The following HUNK variants were observed in gnomAD, a reference collection of about 807,000 sequenced individuals.
HUNK encodes the protein hormonally up-regulated neu tumor-associated kinase.
HUNK carries 21 observed loss-of-function variants against 61.0 expected under a neutral mutation model. The ratio of observed to expected loss-of-function variants is 0.34; its 90% CI spans 0.24 to 0.50. The LOEUF is 0.50. Ranked by LOEUF, HUNK falls within the 20% of genes least tolerant of loss-of-function variation. The pLI is 0.98. For missense variants in HUNK, 772 were observed against 945.7 expected, an observed-to-expected ratio of 0.82 and a Z score of 2.41; for synonymous variants, 371 against 386.1, an observed-to-expected ratio of 0.96 and a Z score of 0.46.
At chr21:31,941,432 G>C in intron 3 of HUNK, among the ~76,000 whole-genome samples, 1 of 151,596 alleles carries the variant, frequency 6.6e-6, no homozygotes, top group East Asian at 1.9e-4. Flanking sequence ...TCAGCCTCCC[G>C]AGTAGCTGGG....
In HUNK at chr21:31,994,334, C is replaced by T. The variant is rs535018970; in HGVS notation, c.1306-1434C>T. 3.3e-5 allele frequency among the ~76,000 whole-genome samples: 5 copies of T among 152,348 alleles called. No individual in the cohort carries two copies. The East Asian group carries it at 9.6e-4, about 29-fold the overall frequency. Reference sequence around the variant, plus strand: ...TCAGCATCCCCACTTCCCACATCTACCCTGTCGTCTTTCCCACTCAAAAAC... The same window carrying T: ...TCAGCATCCCCACTTCCCACATCTATCCTGTCGTCTTTCCCACTCAAAAAC... On this transcript the variant is annotated intron_variant, in intron 9 of 10. Coordinates refer to ENST00000270112, the MANE Select transcript of HUNK (RefSeq NM_014586.2).
intron 1 of HUNK, among the ~76,000 whole-genome samples, chr21:31,904,201 T>G (rs2052489340): frequency 6.6e-6 from 1 of 152,108 alleles, no homozygotes; most frequent in African/African-American, 2.4e-5. Context: ...CCAGGAGATT[T>G]TGACATGTAT....
Position 31,973,927 on chromosome 21 carries a change from G to T in HUNK, c.1011-628G>T, listed in dbSNP as rs1009039059. Among the ~76,000 whole-genome samples, 4 of 152,276 alleles carry T rather than the reference G, an allele frequency of 2.6e-5. No homozygotes were observed. In the East Asian group the frequency reaches 7.7e-4, roughly 29 times the overall value. On this transcript the variant is annotated intron_variant, in intron 6 of 10. Coordinates refer to ENST00000270112, the MANE Select transcript of HUNK (RefSeq NM_014586.2). ...ATCTTCACAGTCCCCTTGTGAAGTA[G>T]CTTTAACTCTCTTCCTCTGAGAGGA...
Position 31,974,725 on chromosome 21 carries a change from C to A in HUNK, c.1173+8C>A. 4 of 1,610,078 alleles carry A rather than the reference C, an allele frequency of 2.5e-6. No individual in the cohort carries two copies. The highest frequency in any genetic ancestry group is 1.7e-5 in the Admixed American group (1 of 59,484). ...GAGCGCTATTTGTCAGGGGTAAGTG[C>A]GACCCTAGAGGCGATCGTCTCTGCT... On this transcript the variant is annotated splice_region_variant and intron_variant, in intron 7 of 10. Transcript: ENST00000270112.
chr21:31,978,263 T>A (rs2053065101), intron 7 of HUNK, among the ~76,000 whole-genome samples: 1 of 152,228 alleles, frequency 6.6e-6, no homozygotes, highest in African/African-American at 2.4e-5. Flanking sequence ...ATATATACAT[T>A]GTGGAATGGC....
rs533688962 is a variant in HUNK at position 31,899,297 on chromosome 21, A to G, written c.262-25171A>G. ...ATGAAATCAAGGCGTTGGCAGAGCC[A>G]TGCTCTCCCTGAATGCTGTAGGGGA... On this transcript the variant is annotated intron_variant, in intron 1 of 10. Coordinates refer to ENST00000270112, the MANE Select transcript of HUNK (RefSeq NM_014586.2). Among the ~76,000 whole-genome samples the G allele has an allele frequency of 7.9e-5, 12 of 152,304 alleles. No individual in the cohort carries two copies. In the South Asian group the frequency reaches 1.2e-3, roughly 16 times the overall value.
chr21:31,897,703 G>A lies in HUNK; in HGVS notation c.261+23768G>A, dbSNP rs145953389. On this transcript the variant is annotated intron_variant, in intron 1 of 10. Coordinates refer to ENST00000270112, the MANE Select transcript of HUNK (RefSeq NM_014586.2). Reference sequence around the variant, plus strand: ...TTTTTCTTATCCCATCTCATTAGCCGCAAAAAGGTCTTTGGACCCTGGAAG... The same window carrying A: ...TTTTTCTTATCCCATCTCATTAGCCACAAAAAGGTCTTTGGACCCTGGAAG... Among the ~76,000 whole-genome samples, 96 of 152,246 alleles carry A rather than the reference G, an allele frequency of 6.3e-4. 1 individual carries two copies. The highest frequency in any genetic ancestry group is 3.7e-3 in the Admixed American group (56 of 15,294).
chr21:31,917,142 T>C (rs568354282), intron 1 of HUNK, among the ~76,000 whole-genome samples: 1 of 152,294 alleles, frequency 6.6e-6, no homozygotes, highest in African/African-American at 2.4e-5. Context: ...TGGTGGTGTT[T>C]GTTTGGCAGG....
At chr21:31,931,447 C>T (rs768410757) in intron 2 of HUNK, among the ~76,000 whole-genome samples, 3 of 152,208 alleles carry the variant, frequency 2.0e-5, no homozygotes, top group African/African-American at 7.2e-5. Context: ...GCAAAGCCCT[C>T]GGGAATCCAC....
chr21:31,915,055 T>A (rs1601375648), intron 1 of HUNK, among the ~76,000 whole-genome samples: 1 of 238 alleles, frequency 4.2e-3, no homozygotes, highest in East Asian at 0.12. Flanking sequence ...AGATTTGGGA[T>A]TTTTTTTTTT....
chr21:31,982,121 A>G (rs1272457505), intron 7 of HUNK, among the ~76,000 whole-genome samples: 2 of 152,184 alleles, frequency 1.3e-5, no homozygotes, highest in Non-Finnish European at 2.9e-5. Flanking sequence ...GTTGAATAGA[A>G]GTAGTAAGAG....
At chr21:31,909,151 A>G (rs1315078124) in intron 1 of HUNK, among the ~76,000 whole-genome samples, 9 of 152,198 alleles carry the variant, frequency 5.9e-5, no homozygotes, top group Non-Finnish European at 2.9e-5. Flanking sequence ...ACAAAGGAAG[A>G]ACACATATTT....
rs969464204 is a variant in HUNK, at chr21:32,000,257, G to A, written c.*1073G>A. 1 of 399,138 alleles carries A rather than the reference G, an allele frequency of 2.5e-6. No individual in the cohort carries two copies. The allele number at this position is 399,138 out of a possible 1,614,324, so 24.7% of individuals were successfully genotyped here. ...ACAGAACTGGTGCGGCTCAGAGCTC[G>A]GCGAGTTTGCTGGGAGCTGGGAGCA... On this transcript the variant is annotated 3_prime_UTR_variant, in exon 11 of 11. Transcript: ENST00000270112.
At chr21:31,881,406 C>A (rs2123787594) in intron 1 of HUNK, among the ~76,000 whole-genome samples, 2 of 152,228 alleles carry the variant, frequency 1.3e-5, no homozygotes, top group East Asian at 3.9e-4. Flanking sequence ...GGAGGCAGAT[C>A]ACCTGAGGTC....
In HUNK at chr21:32,000,932, A is replaced by AT. The variant is rs2053241489; in HGVS notation, c.*1754dup. 2 of 394,464 alleles carry AT rather than the reference A, an allele frequency of 5.1e-6. No homozygotes were observed. The highest frequency in any genetic ancestry group is 2.1e-5 in the African/African-American group (1 of 48,648). The allele number at this position is 394,464 out of a possible 1,614,324, so 24.4% of individuals were successfully genotyped here. On this transcript the variant is annotated 3_prime_UTR_variant, in exon 11 of 11. Transcript: ENST00000270112. The stretch of plus-strand genomic sequence containing the variant: ...GTCAGACCCCTTGGCCATTGGTGTT[A>AT]TTTTTTGTATAGCTTCAGACTGGGT...
chr21:31,971,801 G>GC (rs11424111), intron 6 of HUNK, among the ~76,000 whole-genome samples: 95,000 of 150,578 alleles, frequency 0.63, 30,767 homozygotes, highest in African/African-American at 0.78. Flanking sequence ...TTTGCTAGGT[G>GC]CCAGCTCCCC....
chr21:31,929,357 G>A (rs1001203931), intron 2 of HUNK, among the ~76,000 whole-genome samples: 1 of 151,862 alleles, frequency 6.6e-6, no homozygotes, highest in African/African-American at 2.4e-5. Context: ...GTCTAGGGCT[G>A]TTGTTCATTT....
chr21:31,873,906 G>C lies in HUNK; in HGVS notation c.232G>C (p.Glu78Gln). The C allele has an allele frequency of 6.4e-7, 1 of 1,574,220 alleles. No individual in the cohort carries two copies. Among genetic ancestry groups the C allele is most frequent in the Non-Finnish European group, 8.6e-7 (1 of 1,162,988 alleles). The change falls in exon 1 of 11, where the codon GAG becomes CAG. Residue 78 changes from glutamate (E) to glutamine (Q), a missense_variant. Physicochemically the swap from Glu to Gln is conservative, Grantham distance 29. Coordinates refer to ENST00000270112, the MANE Select transcript of HUNK (RefSeq NM_014586.2). This position sits in a 1 kb window ranked among gnomAD's most constrained non-coding sequence, Gnocchi z 6.1. ...LGEGSFAKVR[E>Q]GLHVLTGEKV... ...CGAGGGCTCCTTTGCCAAGGTGCGC[G>C]AGGGGCTGCACGTGCTGACCGGGGA...
chr21:31,914,442 C>T (rs112958927), intron 1 of HUNK, among the ~76,000 whole-genome samples: 6,124 of 137,522 alleles, frequency 0.045, 243 homozygotes, highest in South Asian at 0.055. Flanking sequence ...AAAAAAGACC[C>T]GGCCCTAGCC....
Sources: gnomAD v4.1 joint callset for allele counts (sites outside exome capture counted in the v4.1 genomes callset) on GRCh38, gnomAD v4.1.1 for gene constraint, Gnocchi (gnomAD v3.1) non-coding constraint, MANE v1.5 for transcripts, NCBI Gene and HGNC (gene_info 2026-07-23, HGNC 2026-07-21) for gene names.